ZNF804A: variants seen among roughly 807,000 people sequenced by gnomAD.
ZNF804A encodes the protein zinc finger protein 804A.
ZNF804A carries 2 observed loss-of-function variants against 16.5 expected under a neutral mutation model. The ratio of observed to expected loss-of-function variants is 0.12; its 90% CI spans 0.05 to 0.38. ZNF804A has a LOEUF of 0.38. Among genes scored for constraint, ZNF804A ranks in the 10% least tolerant of loss-of-function variants. The pLI is 0.99. For synonymous variants in ZNF804A, 534 were observed against 489.6 expected (o/e 1.09, Z -1.20); for missense variants, 1,473 against 1,390.7 (o/e 1.06, Z -0.94).
chr2:184,679,094 C>T (rs1692489584), intron 1 of ZNF804A, among the ~76,000 whole-genome samples: 1 of 152,132 alleles, frequency 6.6e-6, no homozygotes, highest in Non-Finnish European at 1.5e-5. Flanking sequence ...GAAATTTGTA[C>T]TGTTAATTGG....
intron 1 of ZNF804A, among the ~76,000 whole-genome samples, chr2:184,766,449 T>C (rs1345198461): frequency 6.6e-6 from 1 of 152,044 alleles, no homozygotes; most frequent in African/African-American, 2.4e-5. Context: ...TTTTTTTCTT[T>C]TTATTAGGAA....
At chr2:184,628,268 T>C (rs1221579783) in intron 1 of ZNF804A, among the ~76,000 whole-genome samples, 1 of 151,936 alleles carries the variant, frequency 6.6e-6, no homozygotes, top group Non-Finnish European at 1.5e-5. Flanking sequence ...TTAGCAGATA[T>C]TGTGCCATTG....
chr2:184,773,461 C>T (rs1574205785), intron 1 of ZNF804A, among the ~76,000 whole-genome samples: 1 of 151,778 alleles, frequency 6.6e-6, no homozygotes, highest in East Asian at 2.0e-4. Flanking sequence ...ACCAAGTAGC[C>T]GATTAAAATT....
At chr2:184,855,179 G>A (rs1386785024) in intron 1 of ZNF804A, among the ~76,000 whole-genome samples, 1 of 152,036 alleles carries the variant, frequency 6.6e-6, no homozygotes, top group African/African-American at 2.4e-5. Flanking sequence ...GCCATGGGTA[G>A]AATGACTGTG....
intron 1 of ZNF804A, among the ~76,000 whole-genome samples, chr2:184,788,757 T>C (rs899172634): frequency 6.6e-6 from 1 of 152,022 alleles, no homozygotes; most frequent in East Asian, 1.9e-4. Flanking sequence ...TTTTCTAGTA[T>C]AAGATTATGT....
chr2:184,693,182 T>G (rs543991645), intron 1 of ZNF804A, among the ~76,000 whole-genome samples: 1 of 152,296 alleles, frequency 6.6e-6, no homozygotes, highest in Admixed American at 6.5e-5. Flanking sequence ...TTTTTCGTAT[T>G]ATTATATTCC....
chr2:184,701,815 T>C (rs1692923666), intron 1 of ZNF804A, among the ~76,000 whole-genome samples: 1 of 151,864 alleles, frequency 6.6e-6, no homozygotes, highest in Admixed American at 6.6e-5. Flanking sequence ...GTTAACTGAG[T>C]GTTGTTTTAA....
intron 2 of ZNF804A, among the ~76,000 whole-genome samples, chr2:184,885,479 C>A (rs1313037321): frequency 6.6e-6 from 1 of 152,054 alleles, no homozygotes; most frequent in Non-Finnish European, 1.5e-5. Flanking sequence ...AAATGTGGTA[C>A]ATTTACACCA....
At chr2:184,607,482 A>G (rs1016281783) in intron 1 of ZNF804A, among the ~76,000 whole-genome samples, 1 of 152,082 alleles carries the variant, frequency 6.6e-6, no homozygotes, top group African/African-American at 2.4e-5. Flanking sequence ...TTTATAAGAG[A>G]GAAAAGCCCC....
intron 1 of ZNF804A, among the ~76,000 whole-genome samples, chr2:184,681,131 C>G (rs1220946710): frequency 6.6e-6 from 1 of 152,178 alleles, no homozygotes; most frequent in Non-Finnish European, 1.5e-5. Context: ...TAGCACAAGC[C>G]TGAATGCAGG....
chr2:184,866,825 T>C (rs1379748727), intron 2 of ZNF804A, among the ~76,000 whole-genome samples: 1 of 151,186 alleles, frequency 6.6e-6, no homozygotes, highest in African/African-American at 2.4e-5. Flanking sequence ...TCCTCAAATG[T>C]ATTGTTTTAA....
intron 2 of ZNF804A, among the ~76,000 whole-genome samples, chr2:184,897,059 G>A (rs554031691): frequency 6.6e-6 from 1 of 152,150 alleles, no homozygotes; most frequent in East Asian, 1.9e-4. Context: ...TTTAATATGT[G>A]TTAGTAATTG....
chr2:184,871,249 A>G (rs1366285571), intron 2 of ZNF804A, among the ~76,000 whole-genome samples: 1 of 151,860 alleles, frequency 6.6e-6, no homozygotes, highest in African/African-American at 2.4e-5. Flanking sequence ...GACCTACAGT[A>G]ATAATCACCT....
chr2:184,694,066 T>A (rs1692778564), intron 1 of ZNF804A, among the ~76,000 whole-genome samples: 1 of 151,778 alleles, frequency 6.6e-6, no homozygotes, highest in South Asian at 2.1e-4. Context: ...GTAGCTGGGA[T>A]TACAGGTGTG....
intron 1 of ZNF804A, among the ~76,000 whole-genome samples, chr2:184,793,231 G>C (rs1694578093): frequency 1.3e-5 from 2 of 152,044 alleles, no homozygotes; most frequent in Non-Finnish European, 1.5e-5. Context: ...ACAGCAATGA[G>C]CATATGAGTA....
chr2:184,767,169 T>G (rs1694140912), intron 1 of ZNF804A, among the ~76,000 whole-genome samples: 1 of 152,180 alleles, frequency 6.6e-6, no homozygotes, highest in African/African-American at 2.4e-5. Context: ...TAGTATTTTG[T>G]TAAAGCTATT....
At chr2:184,902,959 A>C (rs1183534087) in intron 2 of ZNF804A, among the ~76,000 whole-genome samples, 1 of 152,192 alleles carries the variant, frequency 6.6e-6, no homozygotes, top group East Asian at 1.9e-4. Context: ...AATAAAAAAG[A>C]CTATACCTTA....
Position 184,938,389 on chromosome 2 carries a change from T to C in ZNF804A, c.2993T>C (p.Ile998Thr), listed in dbSNP as rs973798996. 4 of 1,614,054 alleles carry C rather than the reference T, an allele frequency of 2.5e-6. No individual in the cohort carries two copies. The highest frequency in any genetic ancestry group is 1.7e-5 in the Admixed American group (1 of 59,982). ...PTEWLRYNSG[I>T]LNTQPPLPFK... ...GAGTGGCTGCGTTATAATTCAGGAATCCTTAACACACAACCACCATTACCA... is the reference window on the plus strand; with the variant it reads ...GAGTGGCTGCGTTATAATTCAGGAACCCTTAACACACAACCACCATTACCA... The change falls in exon 4 of 4, where the codon ATC becomes ACC. Residue 998 changes from isoleucine to threonine, a missense_variant. Transcript: ENST00000302277.
At chr2:184,752,671 T>G (rs984213753) in intron 1 of ZNF804A, among the ~76,000 whole-genome samples, 1 of 151,574 alleles carries the variant, frequency 6.6e-6, no homozygotes, top group African/African-American at 2.4e-5. Flanking sequence ...TTGGAGAAAA[T>G]AGTTGCAAAT....
Sources: gnomAD v4.1 joint callset for allele counts (sites outside exome capture counted in the v4.1 genomes callset) on GRCh38, gnomAD v4.1.1 for gene constraint, MANE v1.5 for transcripts, NCBI Gene and HGNC (gene_info 2026-07-23, HGNC 2026-07-21) for gene names.